The following KRI1 variants were observed in gnomAD, a reference collection of about 807,000 sequenced individuals.
KRI1 encodes protein KRI1 homolog.
In KRI1, 83 loss-of-function variants were observed where a neutral mutation model predicts 97.0. The ratio of observed to expected loss-of-function variants is 0.86; its 90% confidence interval spans 0.72 to 1.03. The LOEUF is 1.03. KRI1 is among the 50% of genes least tolerant of loss of function. The pLI is 0.00. For synonymous variants in KRI1, 371 were observed against 363.5 expected (o/e 1.02, Z -0.23); for missense variants, 916 against 928.4 (o/e 0.99, Z 0.17).
In KRI1 at chr19:10,557,668, C is replaced by T. The variant is rs576911829; in HGVS notation, c.1501G>A (p.Glu501Lys). The change falls in exon 16 of 19, where the codon GAG (glutamate) becomes AAG (lysine). Residue 501 changes from glutamate to lysine, a missense_variant. By Grantham distance (56) the Glu-to-Lys change is moderately conservative. Around this residue, in one of 3 missense-constraint regions of KRI1, gnomAD observed 672 missense variants for 667.2 expected, o/e 1.01. Transcript: ENST00000312962. ...PVFEPGDKTFEEYLDEYYRLD... is the reference protein window; with the variant it reads ...PVFEPGDKTFKEYLDEYYRLD... ...CGGTAATACTCATCCAGGTACTCCT[C>T]GAACGTCTTGTCCCCTGCTCGAGAC... The T allele has an allele frequency of 3.7e-6, 6 of 1,614,208 alleles. No individual in the cohort carries two copies. The highest frequency in any genetic ancestry group is 4.5e-5 in the East Asian group (2 of 44,888).
Position 10,561,731 on chromosome 19 carries a change from A to C in KRI1, c.439-15T>G. On this transcript the variant is annotated splice_polypyrimidine_tract_variant and intron_variant, in intron 5 of 18. Transcript: ENST00000312962. ...GACGATGTCTCCTGCAGAGAGGGCC[A>C]TAGGTCTCAGGCCAGCCCCAGGCCC... is the stretch of plus-strand genomic sequence containing the variant. The C allele has an allele frequency of 1.9e-6, 3 of 1,614,008 alleles. No individual in the cohort carries two copies. The South Asian group carries it at 3.3e-5, about 18-fold the overall frequency.
intron 12 of KRI1, among the ~76,000 whole-genome samples, chr19:10,558,685 G>A (rs913330731): frequency 1.3e-5 from 2 of 150,984 alleles, no homozygotes; most frequent in African/African-American, 2.4e-5. Flanking sequence ...TGGGATTACA[G>A]GCATGTGCCA....
chr19:10,559,264 C>G (rs1916614269), intron 12 of KRI1, 95 bp downstream of exon 12: 2 of 1,411,236 alleles, frequency 1.4e-6, no homozygotes, highest in African/African-American at 2.8e-5. Flanking sequence ...CTTAGCCTCC[C>G]AAAGTGCTGG....
intron 4 of KRI1, among the ~76,000 whole-genome samples, chr19:10,562,404 C>T (rs1916729954): frequency 6.6e-6 from 1 of 151,118 alleles, no homozygotes; most frequent in Non-Finnish European, 1.5e-5. Flanking sequence ...AGTGCAGTGG[C>T]CTGATCATAG....
rs767521090 is a variant in KRI1 at position 10,562,849 on chromosome 19, C to T, written c.275-12G>A. ...GTCTGATGACGATGCTGTTAACCCACCAAAGACACCTGCCATCACCCACAA... is the reference window on the plus strand; with the variant it reads ...GTCTGATGACGATGCTGTTAACCCATCAAAGACACCTGCCATCACCCACAA... On this transcript the variant is annotated splice_polypyrimidine_tract_variant and intron_variant, in intron 3 of 18. Coordinates refer to ENST00000312962, the MANE Select transcript of KRI1 (RefSeq NM_023008.5). The T allele has an allele frequency of 2.7e-6, 4 of 1,498,046 alleles. No homozygotes were observed. Among genetic ancestry groups the T allele is most frequent in the African/African-American group, 2.8e-5 (2 of 72,702 alleles). 92.8% of individuals were successfully genotyped at this position (1,498,046 alleles called of 1,614,324 possible).
At chr19:10,555,245 C>CCCGCAGCGCACCTGGCTCCGCCCTG in intron 17 of KRI1, 40 bp downstream of exon 17, 1 of 1,613,118 alleles carries the variant, frequency 6.2e-7, no homozygotes, top group Non-Finnish European at 8.5e-7. Flanking sequence ...GCCCGCCCTG[C>CCCGCAGCGCACCTGGCTCCGCCCTG]CCCCTGCGCA....
chr19:10,558,207 C>T lies in KRI1; in HGVS notation c.1227G>A (p.Val409=). The T allele has an allele frequency of 6.2e-7, 1 of 1,614,148 alleles. No homozygotes were observed. The highest frequency in any genetic ancestry group is 1.3e-5 in the African/African-American group (1 of 75,032). The change falls in exon 13 of 19, where the codon GTG becomes GTA. Residue 409 remains valine, a synonymous_variant. Coordinates refer to ENST00000312962, the MANE Select transcript of KRI1 (RefSeq NM_023008.5). ...KCFGDEYYGA[V]EEEKPQFEEE... The stretch of plus-strand genomic sequence containing the variant: ...CCTCAAATTGTGGCTTCTCCTCCTC[C>T]ACGGCCCCGTAGTACTCGTCCCCAA...
intron 18 of KRI1, among the ~76,000 whole-genome samples, chr19:10,554,630 C>T (rs1171909199): frequency 6.6e-6 from 1 of 152,094 alleles, no homozygotes; most frequent in East Asian, 1.9e-4. Flanking sequence ...ACTGCAGCCT[C>T]CAACTCCTGG....
At position 10,554,239 on chromosome 19, in the gene KRI1, A is replaced by G. The variant is rs1225367476; in HGVS notation, c.1824T>C (p.Asp608=). The G allele has an allele frequency of 6.2e-7, 1 of 1,613,640 alleles. No individual in the cohort carries two copies. Among genetic ancestry groups the G allele is most frequent in the Non-Finnish European group, 8.5e-7 (1 of 1,179,962 alleles). Reference sequence around the variant, plus strand: ...GCAGCTGCCTCTGTGGGCCGGCTTCATCTCTCTGTGGCTTCCCTGTGGCTT... The same window carrying G: ...GCAGCTGCCTCTGTGGGCCGGCTTCGTCTCTCTGTGGCTTCCCTGTGGCTT... ...PAEATGKPQR[D]EAGPQRQLPA... is the part of the protein sequence containing the mutation. The change falls in exon 19 of 19, where the codon GAT becomes GAC. Residue 608 remains aspartate (D), a synonymous_variant. Transcript: ENST00000312962.
At chr19:10,555,258 T>G (rs1916467734) in intron 17 of KRI1, 27 bp downstream of exon 17, 2 of 1,613,216 alleles carry the variant, frequency 1.2e-6, no homozygotes, top group South Asian at 1.1e-5. Flanking sequence ...CCTGCGCATG[T>G]GGCCCCGCCG....
chr19:10,558,169 A>G lies in KRI1; in HGVS notation c.1265T>C (p.Leu422Pro). 6.2e-7 allele frequency: 1 copy of G among 1,613,758 alleles called. No individual in the cohort carries two copies. The highest frequency in any genetic ancestry group is 8.5e-7 in the Non-Finnish European group (1 of 1,179,900). Residue 422 changes from leucine (L) to proline (P), a missense_variant, in exon 13 of 19, where the codon CTT (leucine) becomes CCT (proline). Physicochemically the swap from Leu to Pro is moderately conservative, Grantham distance 98. Coordinates refer to ENST00000312962, the MANE Select transcript of KRI1 (RefSeq NM_023008.5). ...AGTGCCCCAGCTGATCTCACCTTCA[A>G]GCCCTTCTTCTTCCTCAAATTGTGG... ...EKPQFEEEEGLEDDWNWDTWD... is the reference protein window; with the variant it reads ...EKPQFEEEEGPEDDWNWDTWD...
intron 4 of KRI1, 48 bp from the exon 5 acceptor site, chr19:10,561,893 C>A: frequency 6.4e-7 from 1 of 1,567,896 alleles, no homozygotes; most frequent in Non-Finnish European, 8.8e-7. Flanking sequence ...CAGGGCCCGC[C>A]TGTCCCCATG....
Position 10,555,076 on chromosome 19 carries a change from G to T in KRI1, c.1781+11C>A. The T allele has an allele frequency of 6.2e-7, 1 of 1,610,270 alleles. No individual in the cohort carries two copies. Among genetic ancestry groups the T allele is most frequent in the Non-Finnish European group, 8.5e-7 (1 of 1,176,968 alleles). On this transcript the variant is annotated intron_variant, in intron 18 of 18. Transcript: ENST00000312962. Reference sequence around the variant, plus strand: ...CTCCCCACCCACGCTTCCCCAGCCAGCACTGCTTACTCTTCTCGGCAGAGT... The same window carrying T: ...CTCCCCACCCACGCTTCCCCAGCCATCACTGCTTACTCTTCTCGGCAGAGT...
chr19:10,558,724 G>C (rs1229713076), intron 12 of KRI1, among the ~76,000 whole-genome samples: 1 of 147,508 alleles, frequency 6.8e-6, no homozygotes, highest in East Asian at 2.0e-4. Context: ...TTTTTTTTTT[G>C]AGACAGCGTC....
At position 10,559,499 on chromosome 19, in the gene KRI1, G is replaced by C; in HGVS notation, c.1054C>G (p.Gln352Glu). 1.2e-6 allele frequency: 2 copies of C among 1,613,978 alleles called. No individual in the cohort carries two copies. Among genetic ancestry groups the C allele is most frequent in the Middle Eastern group, 1.6e-4 (1 of 6,062 alleles). ...EKAKKQEELKQLKNLKRKEIL... is the reference protein window; with the variant it reads ...EKAKKQEELKELKNLKRKEIL... ...TCCTTCCTCTTCAGGTTCTTCAGCT[G>C]CTTGAGCTCTTCCTGCTTCTTTGCT... Residue 352 changes from glutamine (Q) to glutamate (E), a missense_variant, in exon 12 of 19, where the codon CAG becomes GAG. Gln to Glu is a conservative substitution (Grantham distance 29). Transcript: ENST00000312962.
rs781257185 is a variant in KRI1 at position 10,554,288 on chromosome 19, G to C, written c.1782-7C>G. The C allele has an allele frequency of 6.2e-7, 1 of 1,611,918 alleles. No homozygotes were observed. The highest frequency in any genetic ancestry group is 8.5e-7 in the Non-Finnish European group (1 of 1,178,632). ...TTCCGCAGGTGTCTCTGCCCTGAGG[G>C]AGAAAAGTCAGGGCTCAGCCCAGGC... On this transcript the variant is annotated splice_region_variant and splice_polypyrimidine_tract_variant and intron_variant, in intron 18 of 18. Coordinates refer to ENST00000312962, the MANE Select transcript of KRI1 (RefSeq NM_023008.5).
chr19:10,560,491 G>A, intron 8 of KRI1, 43 bp from the exon 9 acceptor site: 2 of 1,461,964 alleles, frequency 1.4e-6, no homozygotes, highest in Non-Finnish European at 1.9e-6. Context: ...TGGAGGACAG[G>A]GAAGGAGGGC....
intron 16 of KRI1, among the ~76,000 whole-genome samples, chr19:10,555,618 C>T (rs1006885668): frequency 2.0e-5 from 3 of 152,154 alleles, no homozygotes; most frequent in African/African-American, 7.2e-5. Flanking sequence ...CCTCAGGGCC[C>T]TTGAGCTGTC....
rs907251386 is a variant in KRI1, at chr19:10,557,857, T to C, written c.1398A>G (p.Lys466=). 1.9e-6 allele frequency: 3 copies of C among 1,613,558 alleles called. No homozygotes were observed. The African/African-American group carries it at 4.0e-5, about 22-fold the overall frequency. ...ADYDPSQPRK[K]KREAPLTGKK... is the part of the protein sequence containing the mutation. ...TGCCCGTCAAGGGGGCCTCGCGCTT[T>C]TTCTTCCTCGGCTGGCTGGGGTCGT... The change falls in exon 15 of 19, where the codon AAA becomes AAG. Residue 466 remains lysine, a synonymous_variant. Transcript: ENST00000312962.
Sources: allele counts gnomAD v4.1 joint callset (sites outside exome capture counted in the v4.1 genomes callset), GRCh38; gene constraint gnomAD v4.1.1; regional missense constraint gnomAD v4.1.1; transcripts MANE v1.5; gene names NCBI Gene and HGNC (gene_info 2026-07-23, HGNC 2026-07-21).